The following BIRC2 variants were observed in gnomAD, a reference collection of about 807,000 sequenced individuals.
The protein encoded by BIRC2 is baculoviral IAP repeat-containing protein 2.
In BIRC2, 18 loss-of-function variants were observed where a neutral mutation model predicts 60.9. The observed-to-expected ratio is 0.30, with a 90% CI of 0.20 to 0.44. The LOEUF is 0.44. Ranked by LOEUF, BIRC2 falls within the 20% of genes least tolerant of loss-of-function variation. The pLI, the probability that BIRC2 is intolerant of heterozygous loss-of-function variation, is 1.00. For synonymous variants in BIRC2, 282 were observed against 247.7 expected, an observed-to-expected ratio of 1.14 and a Z score of -1.30; for missense variants, 701 against 728.5, an observed-to-expected ratio of 0.96 and a Z score of 0.43.
In BIRC2 at chr11:102,378,155, A is replaced by C. The variant is rs1312166742; in HGVS notation, c.1829A>C (p.Lys610Thr). 6.2e-7 allele frequency: 1 copy of C among 1,608,916 alleles called. No individual in the cohort carries two copies. The highest frequency in any genetic ancestry group is 8.5e-7 in the Non-Finnish European group (1 of 1,178,462). ...TGCCCTATTTGCAGGGGTATAATCA[A>C]GGGTACTGTTCGTACATTTCTCTCT... ...RKCPICRGII[K>T]GTVRTFLS Residue 610 changes from lysine to threonine, a missense_variant, in exon 9 of 9, where the codon AAG (lysine) becomes ACG (threonine). Lys to Thr is a moderately conservative substitution (Grantham distance 78). Around this residue, in one of 4 missense-constraint regions of BIRC2, gnomAD observed 52 missense variants for 83.9 expected, o/e 0.62. Coordinates refer to ENST00000227758, the MANE Select transcript of BIRC2 (RefSeq NM_001166.5).
rs1565330800 is a variant in BIRC2, at chr11:102,350,946, A to G, written c.995+3A>G. 1 of 1,611,974 alleles carries G rather than the reference A, an allele frequency of 6.2e-7. No homozygotes were observed. Among genetic ancestry groups the G allele is most frequent in the Non-Finnish European group, 8.5e-7 (1 of 1,179,108 alleles). On this transcript the variant is annotated splice_donor_region_variant and intron_variant, in intron 3 of 8. Transcript: ENST00000227758. ...GAACATGCCAAGTGGTTTCCAAGGT[A>G]ATTGTTTTGAAAAAGGTATTTGTAC...
intron 3 of BIRC2, among the ~76,000 whole-genome samples, chr11:102,352,354 T>G (rs1951373138): frequency 6.6e-6 from 1 of 152,106 alleles, no homozygotes; most frequent in Non-Finnish European, 1.5e-5. Context: ...GACCTCGTGA[T>G]CCACCCACCT....
chr11:102,368,947 A>G (rs1951586854), intron 6 of BIRC2, among the ~76,000 whole-genome samples: 1 of 151,846 alleles, frequency 6.6e-6, no homozygotes, highest in Admixed American at 6.6e-5. Context: ...TATTTTTAAT[A>G]GGATACTTTA....
chr11:102,356,081 T>G (rs1245920169), intron 3 of BIRC2, among the ~76,000 whole-genome samples: 1 of 152,142 alleles, frequency 6.6e-6, no homozygotes, highest in African/African-American at 2.4e-5. Context: ...TTTGGATGCC[T>G]TTTTCTTTTT....
chr11:102,364,503 G>A (rs548711354), intron 5 of BIRC2, among the ~76,000 whole-genome samples: 2 of 152,204 alleles, frequency 1.3e-5, no homozygotes, highest in East Asian at 3.9e-4. Context: ...CAGTGCAAGG[G>A]CAGGAAATAG....
intron 5 of BIRC2, among the ~76,000 whole-genome samples, chr11:102,366,540 G>T (rs982519315): frequency 1.3e-5 from 2 of 151,778 alleles, no homozygotes; most frequent in Non-Finnish European, 2.9e-5. Context: ...CTAATTTTTT[G>T]TATTTTTTTT....
chr11:102,374,161 C>G (rs1285035788), intron 6 of BIRC2, among the ~76,000 whole-genome samples: 4 of 151,054 alleles, frequency 2.6e-5, no homozygotes, highest in Admixed American at 6.6e-5. Context: ...GCCTTCTTCT[C>G]TCAGCTCATC....
At chr11:102,377,295 T>C (rs1951726191) in intron 6 of BIRC2, among the ~76,000 whole-genome samples, 1 of 152,190 alleles carries the variant, frequency 6.6e-6, no homozygotes, top group Non-Finnish European at 1.5e-5. Flanking sequence ...GACATGTAAA[T>C]ATATAGACTT....
At chr11:102,361,646 T>G (rs1951486629) in intron 3 of BIRC2, among the ~76,000 whole-genome samples, 2 of 152,084 alleles carry the variant, frequency 1.3e-5, no homozygotes. Flanking sequence ...AGGAAGTCTG[T>G]GGCTATCTTG....
chr11:102,359,563 G>A (rs542930048), intron 3 of BIRC2, among the ~76,000 whole-genome samples: 3 of 152,148 alleles, frequency 2.0e-5, no homozygotes, highest in Admixed American at 6.5e-5. Flanking sequence ...TGTTTGTCTG[G>A]GACTGTTTAT....
chr11:102,368,783 A>G (rs1951583859), intron 6 of BIRC2, among the ~76,000 whole-genome samples: 1 of 152,158 alleles, frequency 6.6e-6, no homozygotes, highest in Non-Finnish European at 1.5e-5. Flanking sequence ...ATTTATGCCA[A>G]TCAGAGAATT....
At chr11:102,354,797 A>C (rs1396361046) in intron 3 of BIRC2, among the ~76,000 whole-genome samples, 1 of 152,064 alleles carries the variant, frequency 6.6e-6, no homozygotes, top group Non-Finnish European at 1.5e-5. Flanking sequence ...TACAGGTGGG[A>C]GGTGATATTT....
chr11:102,368,578 T>C (rs746067275), intron 6 of BIRC2, 30 bp downstream of exon 6: 5 of 1,606,302 alleles, frequency 3.1e-6, no homozygotes, highest in Non-Finnish European at 4.3e-6. Flanking sequence ...ACCTGCATTG[T>C]TTCTCAGTGG....
intron 6 of BIRC2, among the ~76,000 whole-genome samples, chr11:102,372,653 G>C (rs200102021): frequency 0.072 from 9,984 of 138,610 alleles, 486 homozygotes; most frequent in African/African-American, 0.13. Flanking sequence ...GTTGATTTGG[G>C]GTGGAGAGTT....
Position 102,367,396 on chromosome 11 carries a change from C to T in BIRC2, c.1124-910C>T, listed in dbSNP as rs35879966. Among the ~76,000 whole-genome samples, 355 of 151,764 alleles carry T rather than the reference C, an allele frequency of 2.3e-3. 2 individuals are homozygous for T. The highest frequency in any genetic ancestry group is 7.6e-3 in the African/African-American group (315 of 41,364). On this transcript the variant is annotated intron_variant, in intron 5 of 8. Coordinates refer to ENST00000227758, the MANE Select transcript of BIRC2 (RefSeq NM_001166.5). ...ACATAAAGTATTTCCTCAAGGCATG[C>T]GCTTAAAAATGAAATAGAGCTCATT...
intron 6 of BIRC2, among the ~76,000 whole-genome samples, chr11:102,370,420 G>GATTTATT (rs1951615845): frequency 7.6e-6 from 1 of 132,018 alleles, no homozygotes; most frequent in Admixed American, 7.7e-5. Flanking sequence ...TATTAAATAG[G>GATTTATT]GAATCCTTTC....
intron 6 of BIRC2, among the ~76,000 whole-genome samples, chr11:102,374,330 G>T (rs1951674803): frequency 6.7e-6 from 1 of 150,296 alleles, no homozygotes; most frequent in Non-Finnish European, 1.5e-5. Context: ...TGATGGTGAT[G>T]TACAGATGGG....
chr11:102,349,926 T>C lies in BIRC2; in HGVS notation c.72T>C (p.Asp24=), dbSNP rs1951335316. ...AAAACATTAAGAGTATAATGGAAGA[T>C]AGCACGATCTTGTCAGATTGGACAA... is the stretch of plus-strand genomic sequence containing the variant. The part of the protein sequence containing the change: ...SYQNIKSIME[D]STILSDWTNS... The change falls in exon 2 of 9, where the codon GAT becomes GAC. Residue 24 remains aspartate (D), a synonymous_variant. Transcript: ENST00000227758. The C allele has an allele frequency of 4.3e-6, 7 of 1,614,168 alleles. No homozygotes were observed. The highest frequency in any genetic ancestry group is 5.9e-6 in the Non-Finnish European group (7 of 1,180,000).
chr11:102,354,014 A>G, intron 3 of BIRC2, among the ~76,000 whole-genome samples: 1 of 152,090 alleles, frequency 6.6e-6, no homozygotes, highest in South Asian at 2.1e-4. Context: ...TGCATCCAAA[A>G]TTCAGCCCTC....
Sources: gnomAD v4.1 joint callset for allele counts (sites outside exome capture counted in the v4.1 genomes callset) on GRCh38, gnomAD v4.1.1 for gene constraint, gnomAD v4.1.1 regional missense constraint, MANE v1.5 for transcripts, NCBI Gene and HGNC (gene_info 2026-07-23, HGNC 2026-07-21) for gene names.